The following MDGA2 variants were observed in gnomAD, a reference collection of about 807,000 sequenced individuals.
MDGA2 encodes the protein MAM domain-containing glycosylphosphatidylinositol anchor protein 2.
MDGA2 carries 40 observed loss-of-function variants against 117.8 expected under a neutral mutation model. The observed-to-expected ratio is 0.34, with a 90% CI of 0.26 to 0.44. The LOEUF is 0.44. Among genes scored for constraint, MDGA2 ranks in the 20% least tolerant of loss-of-function variants. The pLI is 1.00. For missense variants in MDGA2, 1,123 were observed against 1,250.6 expected (o/e 0.90, Z 1.54); for synonymous variants, 452 against 439.0 (o/e 1.03, Z -0.37).
At chr14:47,217,922 G>T in intron 3 of MDGA2, 99 bp downstream of exon 3, 1 of 986,494 alleles carries the variant, frequency 1.0e-6, no homozygotes, top group Non-Finnish European at 1.4e-6. Flanking sequence ...TTCATTCTCA[G>T]CTAAACAGAA....
chr14:47,339,777 G>A lies in MDGA2; in HGVS notation c.281-38227C>T, dbSNP rs754064455. Among the ~76,000 whole-genome samples, 15 of 152,080 alleles carry A rather than the reference G, an allele frequency of 9.9e-5. No individual in the cohort carries two copies. In the East Asian group the frequency reaches 2.5e-3, roughly 26 times the overall value. On this transcript the variant is annotated intron_variant, in intron 1 of 16. Coordinates refer to ENST00000399232, the MANE Select transcript of MDGA2 (RefSeq NM_001113498.3). ...TTTACTTTCTGAATTACAGAGCCTC[G>A]GGGATTCCTGTATAGCAACACAAAC...
chr14:46,853,798 G>T (rs1202356451), intron 15 of MDGA2, among the ~76,000 whole-genome samples: 1 of 151,616 alleles, frequency 6.6e-6, no homozygotes, highest in African/African-American at 2.4e-5. Context: ...GAAAAAAATT[G>T]CTTTTTAATG....
chr14:47,427,196 T>TA (rs1384609493), intron 1 of MDGA2, among the ~76,000 whole-genome samples: 1 of 152,156 alleles, frequency 6.6e-6, no homozygotes, highest in African/African-American at 2.4e-5. Context: ...TTTAGTGTTT[T>TA]AAAAATGGCT....
intron 6 of MDGA2, among the ~76,000 whole-genome samples, chr14:47,072,763 T>C (rs551850025): frequency 1.8e-4 from 27 of 152,296 alleles, no homozygotes; most frequent in African/African-American, 5.8e-4. Context: ...AAAAAGTTTA[T>C]GCTGCCATCC....
chr14:47,415,566 T>C (rs1468193334), intron 1 of MDGA2, among the ~76,000 whole-genome samples: 1 of 152,168 alleles, frequency 6.6e-6, no homozygotes. Flanking sequence ...AATTAAACTT[T>C]ATTATAGTAT....
intron 10 of MDGA2, among the ~76,000 whole-genome samples, chr14:46,892,759 C>G (rs935060699): frequency 9.9e-5 from 15 of 151,824 alleles, no homozygotes; most frequent in African/African-American, 3.6e-4. Flanking sequence ...AAAAGGTGTT[C>G]AATATCACTA....
At chr14:47,178,420 G>C (rs1352609357) in intron 3 of MDGA2, among the ~76,000 whole-genome samples, 1 of 152,092 alleles carries the variant, frequency 6.6e-6, no homozygotes, top group Non-Finnish European at 1.5e-5. Flanking sequence ...GGTATGCCTG[G>C]AAACCTTTGA....
At chr14:47,369,178 A>T (rs1029371185) in intron 1 of MDGA2, among the ~76,000 whole-genome samples, 1 of 152,164 alleles carries the variant, frequency 6.6e-6, no homozygotes, top group African/African-American at 2.4e-5. Flanking sequence ...CCCCTTAGTG[A>T]TATATCATTA....
At chr14:46,984,375 T>G (rs1188111653) in intron 8 of MDGA2, among the ~76,000 whole-genome samples, 1 of 152,036 alleles carries the variant, frequency 6.6e-6, no homozygotes, top group Admixed American at 6.6e-5. Flanking sequence ...ATTGGAAATA[T>G]TATGAGTGTT....
At chr14:47,619,066 T>C (rs1250816748) in intron 1 of MDGA2, among the ~76,000 whole-genome samples, 1 of 151,674 alleles carries the variant, frequency 6.6e-6, no homozygotes, top group Non-Finnish European at 1.5e-5. Context: ...CTCTAGGTTA[T>C]AATGATTTTG....
chr14:47,138,116 G>T (rs113872963), intron 4 of MDGA2, among the ~76,000 whole-genome samples: 1 of 152,022 alleles, frequency 6.6e-6, no homozygotes, highest in Admixed American at 6.6e-5. Context: ...GAGAATATGT[G>T]CACACATAGA....
chr14:47,245,103 G>A (rs1244536151), intron 2 of MDGA2, among the ~76,000 whole-genome samples: 1 of 151,680 alleles, frequency 6.6e-6, no homozygotes, highest in African/African-American at 2.4e-5. Context: ...GCTCACTGCA[G>A]CCTTGACCTC....
At chr14:47,659,932 C>T (rs1275461446) in intron 1 of MDGA2, among the ~76,000 whole-genome samples, 10 of 152,116 alleles carry the variant, frequency 6.6e-5, no homozygotes, top group Non-Finnish European at 1.0e-4. Flanking sequence ...TTAACATTAG[C>T]GCTATTTCCA....
At chr14:47,302,997 T>C (rs1331154216) in intron 1 of MDGA2, among the ~76,000 whole-genome samples, 1 of 152,150 alleles carries the variant, frequency 6.6e-6, no homozygotes, top group East Asian at 1.9e-4. Flanking sequence ...ATCATCAAAA[T>C]GATGGGTAAA....
chr14:47,664,599 GAAGA>G (rs1897908295), intron 1 of MDGA2, among the ~76,000 whole-genome samples: 3 of 152,194 alleles, frequency 2.0e-5, no homozygotes, highest in African/African-American at 7.2e-5. Context: ...AGCTGAACAA[GAAGA>G]AAGCCCACGT....
chr14:47,377,794 T>C (rs1047476831), intron 1 of MDGA2, among the ~76,000 whole-genome samples: 2 of 152,130 alleles, frequency 1.3e-5, no homozygotes, highest in African/African-American at 4.8e-5. Context: ...GGGCAGGGCA[T>C]AGCTGAACAA....
chr14:46,880,307 AGAGT>A (rs545578317), intron 11 of MDGA2, among the ~76,000 whole-genome samples: 208 of 152,200 alleles, frequency 1.4e-3, no homozygotes, highest in Non-Finnish European at 8.4e-4. Flanking sequence ...CCTGGGAGAC[AGAGT>A]GAGACTCCAT....
At chr14:47,334,806 G>A (rs956919256) in intron 1 of MDGA2, among the ~76,000 whole-genome samples, 1 of 151,882 alleles carries the variant, frequency 6.6e-6, no homozygotes, top group African/African-American at 2.4e-5. Context: ...TGCTCAGAAA[G>A]TTTATCTAAT....
chr14:47,464,629 G>T lies in MDGA2; in HGVS notation c.281-163079C>A, dbSNP rs564406159. On this transcript the variant is annotated intron_variant, in intron 1 of 16. Transcript: ENST00000399232. ...CTCAAGAACACAGCTAACCAGGGAG[G>T]TGAAAGATCTCCACAATGAGAATCA... Among the ~76,000 whole-genome samples, 36 of 151,988 alleles carry T rather than the reference G, an allele frequency of 2.4e-4. No individual in the cohort carries two copies. In the South Asian group the frequency reaches 6.6e-3, roughly 28 times the overall value.
Sources: gnomAD v4.1 joint callset for allele counts (sites outside exome capture counted in the v4.1 genomes callset) on GRCh38, gnomAD v4.1.1 for gene constraint, MANE v1.5 for transcripts, NCBI Gene and HGNC (gene_info 2026-07-23, HGNC 2026-07-21) for gene names.